Variants in NELL1 observed in about 807,000 individuals in gnomAD.
NELL1 encodes the protein neural EGFL like 1.
NELL1 carries 76 observed loss-of-function variants against 107.4 expected under a neutral mutation model. The observed-to-expected ratio is 0.71, with a 90% CI of 0.59 to 0.86. The LOEUF (loss-of-function observed/expected upper bound fraction) is 0.86. NELL1 is among the 40% of genes least tolerant of loss of function. NELL1 has a pLI of 0.00. For synonymous variants in NELL1, 353 were observed against 341.2 expected (o/e 1.03, Z -0.38); for missense variants, 1,024 against 1,005.5 (o/e 1.02, Z -0.25).
chr11:20,785,948 T>C (rs1290642350), intron 3 of NELL1, among the ~76,000 whole-genome samples: 1 of 152,178 alleles, frequency 6.6e-6, no homozygotes, highest in Non-Finnish European at 1.5e-5. Context: ...CTGTCTTTTA[T>C]ATCCCTAGTA....
chr11:21,501,313 G>T (rs550438598), intron 15 of NELL1, among the ~76,000 whole-genome samples: 3 of 152,142 alleles, frequency 2.0e-5, no homozygotes, highest in Non-Finnish European at 4.4e-5. Flanking sequence ...AATCTGAAAA[G>T]CAATTGAAGA....
chr11:21,250,073 A>G (rs1017140031), intron 14 of NELL1, among the ~76,000 whole-genome samples: 1 of 152,158 alleles, frequency 6.6e-6, no homozygotes, highest in Non-Finnish European at 1.5e-5. Context: ...GTCTTAAAAT[A>G]TTTTTTACTT....
chr11:21,389,944 C>A (rs1306742384), intron 15 of NELL1, among the ~76,000 whole-genome samples: 1 of 151,654 alleles, frequency 6.6e-6, no homozygotes, highest in East Asian at 2.0e-4. Context: ...AATAGAATTG[C>A]TGGGCATGCT....
chr11:21,037,621 C>T (rs571799672), intron 12 of NELL1, among the ~76,000 whole-genome samples: 1 of 152,218 alleles, frequency 6.6e-6, no homozygotes, highest in African/African-American at 2.4e-5. Context: ...TTGAGAAAAT[C>T]TAAATCCTTC....
intron 14 of NELL1, among the ~76,000 whole-genome samples, chr11:21,317,756 T>C (rs1415092990): frequency 6.6e-6 from 1 of 152,100 alleles, no homozygotes. Flanking sequence ...TCTAAATGTT[T>C]GTGATTTGTG....
intron 14 of NELL1, among the ~76,000 whole-genome samples, chr11:21,304,578 T>TTC (rs1554998166): frequency 7.3e-5 from 11 of 151,380 alleles, no homozygotes; most frequent in South Asian, 2.1e-4. Flanking sequence ...GTTTTTTTTT[T>TTC]TCTCTCTCTC....
At chr11:20,697,506 A>G (rs1319864602) in intron 2 of NELL1, among the ~76,000 whole-genome samples, 1 of 151,944 alleles carries the variant, frequency 6.6e-6, no homozygotes, top group East Asian at 1.9e-4. Context: ...GTTTTATGTA[A>G]CAAGATAGAA....
chr11:21,529,310 A>G (rs1855937213), intron 15 of NELL1, among the ~76,000 whole-genome samples: 1 of 152,196 alleles, frequency 6.6e-6, no homozygotes, highest in African/African-American at 2.4e-5. Flanking sequence ...CTAACTCTGC[A>G]ACTAGAGCTC....
chr11:20,943,229 G>C (rs183942560), intron 10 of NELL1, among the ~76,000 whole-genome samples: 168 of 152,194 alleles, frequency 1.1e-3, no homozygotes, highest in African/African-American at 3.9e-3. Context: ...TTGTATACAA[G>C]AAAGAGTTAT....
chr11:20,978,485 A>T (rs1443500249), intron 12 of NELL1, among the ~76,000 whole-genome samples: 2 of 152,156 alleles, frequency 1.3e-5, no homozygotes, highest in Non-Finnish European at 1.5e-5. Context: ...AGTCTAAATG[A>T]GGGATTTTGC....
At chr11:21,218,529 G>T (rs961985686) in intron 13 of NELL1, among the ~76,000 whole-genome samples, 1 of 151,974 alleles carries the variant, frequency 6.6e-6, no homozygotes, top group African/African-American at 2.4e-5. Context: ...TTAAAAATAT[G>T]CAATAAGTTA....
chr11:21,347,430 C>G (rs1310175730), intron 14 of NELL1, among the ~76,000 whole-genome samples: 1 of 151,954 alleles, frequency 6.6e-6, no homozygotes, highest in Non-Finnish European at 1.5e-5. Flanking sequence ...TGGTGAAACC[C>G]CATCTCTACT....
chr11:20,868,095 G>C (rs1415974006), intron 4 of NELL1, among the ~76,000 whole-genome samples: 2 of 152,164 alleles, frequency 1.3e-5, no homozygotes, highest in Non-Finnish European at 2.9e-5. Context: ...GAACAATCCT[G>C]TGTGATGTGA....
chr11:20,946,636 T>A (rs183955638), intron 10 of NELL1, among the ~76,000 whole-genome samples: 16 of 152,342 alleles, frequency 1.1e-4, no homozygotes, highest in Admixed American at 9.2e-4. Flanking sequence ...AAGTCCCTTC[T>A]TCCTTTATTC....
At chr11:21,270,004 T>C (rs888784100) in intron 14 of NELL1, among the ~76,000 whole-genome samples, 3 of 152,016 alleles carry the variant, frequency 2.0e-5, no homozygotes, top group Admixed American at 6.6e-5. Context: ...TAATTATAAA[T>C]GTATATTGAA....
chr11:21,497,742 A>G (rs763701640), intron 15 of NELL1, among the ~76,000 whole-genome samples: 2 of 152,212 alleles, frequency 1.3e-5, no homozygotes, highest in Middle Eastern at 3.4e-3. Context: ...ATTTAGATCT[A>G]TCCAGTTCTG....
At chr11:21,122,806 A>G (rs1855398934) in intron 13 of NELL1, among the ~76,000 whole-genome samples, 1 of 152,200 alleles carries the variant, frequency 6.6e-6, no homozygotes, top group Non-Finnish European at 1.5e-5. Context: ...AGCTGAAAGA[A>G]TTAAAAAAAA....
chr11:20,723,429 C>A (rs1855437722), intron 2 of NELL1, among the ~76,000 whole-genome samples: 1 of 152,154 alleles, frequency 6.6e-6, no homozygotes, highest in Admixed American at 6.5e-5. Flanking sequence ...AGGCCTCCTC[C>A]AAGTCCAGAA....
intron 14 of NELL1, among the ~76,000 whole-genome samples, chr11:21,279,037 A>G (rs1401725292): frequency 6.6e-6 from 1 of 152,200 alleles, no homozygotes; most frequent in Non-Finnish European, 1.5e-5. Flanking sequence ...GAAAATTGTC[A>G]TCTCAGCAAA....
Sources: allele counts gnomAD v4.1 joint callset (sites outside exome capture counted in the v4.1 genomes callset), GRCh38; gene constraint gnomAD v4.1.1; transcripts MANE v1.5; gene names NCBI Gene and HGNC (gene_info 2026-07-23, HGNC 2026-07-21).